Variants in SLC5A7 observed in about 807,000 individuals in gnomAD.
SLC5A7 encodes the protein high affinity choline transporter 1.
SLC5A7 carries 19 observed loss-of-function variants against 55.4 expected under a neutral mutation model. The ratio of observed to expected loss-of-function variants is 0.34; its 90% CI spans 0.24 to 0.50. The LOEUF (loss-of-function observed/expected upper bound fraction) is 0.50, where lower values mean the gene tolerates loss of function less well. SLC5A7 is among the 20% of genes least tolerant of loss of function. The pLI is 0.98. For missense variants in SLC5A7, 506 were observed against 705.3 expected, an observed-to-expected ratio of 0.72 and a Z score of 3.20; for synonymous variants, 265 against 263.7, an observed-to-expected ratio of 1.00 and a Z score of -0.05.
In SLC5A7 at chr2:108,013,305, A is replaced by G. The variant is rs1678411237; in HGVS notation, c.*2444A>G. The G allele has an allele frequency of 6.6e-6, 1 of 152,122 alleles. No individual in the cohort carries two copies. Among genetic ancestry groups the G allele is most frequent in the Non-Finnish European group, 1.5e-5 (1 of 68,004 alleles). The allele number at this position is 152,122 out of a possible 1,614,324, so 9.4% of individuals were successfully genotyped here. A position where few individuals can be genotyped will look rare whatever the true frequency, so the allele number is the denominator to read the frequency against. On this transcript the variant is annotated 3_prime_UTR_variant, in exon 9 of 9. Coordinates refer to ENST00000264047, the MANE Select transcript of SLC5A7 (RefSeq NM_021815.5). ...GTATTTAACCCATTATTCCTCACCTACCCTCAAAGTAGGTATACAAAAGAC... is the reference window on the plus strand; with the variant it reads ...GTATTTAACCCATTATTCCTCACCTGCCCTCAAAGTAGGTATACAAAAGAC...
chr2:108,003,429 A>G (rs976719178), intron 6 of SLC5A7, among the ~76,000 whole-genome samples: 1 of 152,218 alleles, frequency 6.6e-6, no homozygotes, highest in Non-Finnish European at 1.5e-5. Flanking sequence ...CTAAAAAATT[A>G]TATGACTTAG....
chr2:107,996,337 A>G (rs1677670343), intron 4 of SLC5A7, among the ~76,000 whole-genome samples: 1 of 152,178 alleles, frequency 6.6e-6, no homozygotes, highest in African/African-American at 2.4e-5. Flanking sequence ...ACTTCTTACT[A>G]GATTTTTCTT....
intron 5 of SLC5A7, among the ~76,000 whole-genome samples, chr2:108,000,384 A>G (rs1387264982): frequency 2.0e-5 from 3 of 152,100 alleles, no homozygotes; most frequent in African/African-American, 7.2e-5. Context: ...AGAAAACATA[A>G]AAGTGTGTGT....
chr2:107,995,474 T>A (rs62148705), intron 4 of SLC5A7, among the ~76,000 whole-genome samples: 347 of 77,908 alleles, frequency 4.5e-3, no homozygotes, highest in Middle Eastern at 8.3e-3. Flanking sequence ...AGAGAGAGTG[T>A]GTGTGTGTGT....
chr2:108,009,661 A>G (rs1678241860), intron 8 of SLC5A7, among the ~76,000 whole-genome samples: 2 of 152,196 alleles, frequency 1.3e-5, no homozygotes, highest in Admixed American at 1.3e-4. Flanking sequence ...TTATGGCCAC[A>G]TAGTATTCCA....
At chr2:107,999,182 C>T (rs571050756) in intron 5 of SLC5A7, among the ~76,000 whole-genome samples, 2 of 152,298 alleles carry the variant, frequency 1.3e-5, no homozygotes, top group South Asian at 4.1e-4. Flanking sequence ...CTCAAGGACT[C>T]CCACTATTTT....
chr2:107,997,978 G>A lies in SLC5A7; in HGVS notation c.589G>A (p.Val197Ile), dbSNP rs1677740286. 3 of 1,611,206 alleles carry A rather than the reference G, an allele frequency of 1.9e-6. No homozygotes were observed. The highest frequency in any genetic ancestry group is 1.1e-5 in the South Asian group (1 of 90,352). The change falls in exon 5 of 9, where the codon GTA becomes ATA. Residue 197 changes from valine to isoleucine, a missense_variant. Physicochemically the swap from Val to Ile is conservative, Grantham distance 29 (BLOSUM62 3). Transcript: ENST00000264047. ...TDVVQLFCIF[V>I]GLWISVPFAL... ...TGTCGTTCAGCTCTTTTGCATTTTT[G>A]TAGGGCTGGTAAGTGGGAGCACCCA... is the stretch of plus-strand genomic sequence containing the variant.
intron 5 of SLC5A7, among the ~76,000 whole-genome samples, chr2:108,000,614 C>T (rs973172715): frequency 5.9e-5 from 9 of 151,866 alleles, no homozygotes; most frequent in African/African-American, 1.5e-4. Flanking sequence ...TTTTCTTTTG[C>T]GACAGGATCT....
intron 4 of SLC5A7, among the ~76,000 whole-genome samples, chr2:107,993,845 A>G (rs1677550690): frequency 6.6e-6 from 1 of 152,252 alleles, no homozygotes; most frequent in African/African-American, 2.4e-5. Flanking sequence ...CTGACAGAAT[A>G]GGTAAGTAAT....
intron 1 of SLC5A7, 93 bp downstream of exon 1, chr2:107,986,856 G>C (rs1408728047): frequency 6.6e-6 from 1 of 152,238 alleles, no homozygotes; most frequent in Non-Finnish European, 1.5e-5. Flanking sequence ...GGGGAGGGAC[G>C]CGGCGTTTTT....
At chr2:108,009,835 A>G (rs887902969) in intron 8 of SLC5A7, among the ~76,000 whole-genome samples, 3 of 152,182 alleles carry the variant, frequency 2.0e-5, no homozygotes, top group Admixed American at 1.3e-4. Context: ...TAGCACTTCT[A>G]CAAAGAGATA....
Position 108,013,809 on chromosome 2 carries a change from G to A in SLC5A7, c.*2948G>A, listed in dbSNP as rs570813404. On this transcript the variant is annotated 3_prime_UTR_variant, in exon 9 of 9. Coordinates refer to ENST00000264047, the MANE Select transcript of SLC5A7 (RefSeq NM_021815.5). Reference sequence around the variant, plus strand: ...TATTCAAATCAGCAAGCTTGTAGCTGGACTGCAATATCAACAACAAGTTGT... The same window carrying A: ...TATTCAAATCAGCAAGCTTGTAGCTAGACTGCAATATCAACAACAAGTTGT... 1 of 152,112 alleles carries A rather than the reference G, an allele frequency of 6.6e-6. No homozygotes were observed. The highest frequency in any genetic ancestry group is 6.6e-5 in the Admixed American group (1 of 15,250). 9.4% of individuals were successfully genotyped at this position (152,112 alleles called of 1,614,324 possible).
intron 7 of SLC5A7, among the ~76,000 whole-genome samples, chr2:108,006,654 A>T (rs1678135522): frequency 6.6e-6 from 1 of 152,094 alleles, no homozygotes; most frequent in African/African-American, 2.4e-5. Flanking sequence ...TGCTGACATC[A>T]TCTGGGGAAT....
intron 7 of SLC5A7, 152 bp downstream of exon 7, chr2:108,006,354 TA>T: frequency 9.6e-5 from 45 of 470,874 alleles, no homozygotes; most frequent in African/African-American, 1.4e-4. Flanking sequence ...CAGTAAATCG[TA>T]TTATATAGTT....
chr2:108,008,662 C>G lies in SLC5A7; in HGVS notation c.1093C>G (p.Gln365Glu). ...TTCCATGTTTGCACGGAACATCTAC[C>G]AGCTTTCCTTCAGACAAAATGTAAG... ...ASSMFARNIY[Q>E]LSFRQNASDK... The change falls in exon 8 of 9, where the codon CAG becomes GAG. Residue 365 changes from glutamine (Q) to glutamate (E), a missense_variant. Physicochemically the swap from Gln to Glu is conservative, Grantham distance 29. Transcript: ENST00000264047. The G allele has an allele frequency of 6.2e-7, 1 of 1,612,778 alleles. No homozygotes were observed. The highest frequency in any genetic ancestry group is 8.5e-7 in the Non-Finnish European group (1 of 1,179,560).
intron 6 of SLC5A7, 91 bp from the exon 7 acceptor site, chr2:108,005,958 G>T: frequency 6.7e-7 from 1 of 1,485,402 alleles, no homozygotes; most frequent in Non-Finnish European, 9.1e-7. Context: ...CTTCTAAGTT[G>T]TACTTAGGCC....
intron 7 of SLC5A7, among the ~76,000 whole-genome samples, chr2:108,006,822 C>T (rs951636691): frequency 2.0e-5 from 3 of 152,162 alleles, no homozygotes; most frequent in African/African-American, 7.2e-5. Flanking sequence ...GTTTACCTGT[C>T]ATCCTCATGA....
At chr2:107,993,233 A>T (rs1176377470) in intron 4 of SLC5A7, 106 bp downstream of exon 4, 3 of 1,221,262 alleles carry the variant, frequency 2.5e-6, no homozygotes, top group Non-Finnish European at 3.4e-6. Context: ...TTTTATTAAA[A>T]CCATATGCTG....
At chr2:108,000,314 T>C (rs184478527) in intron 5 of SLC5A7, among the ~76,000 whole-genome samples, 188 of 152,322 alleles carry the variant, frequency 1.2e-3, no homozygotes, top group Non-Finnish European at 2.1e-3. Context: ...ACATATTTTC[T>C]TATTACTTTA....
Sources: allele counts gnomAD v4.1 joint callset (sites outside exome capture counted in the v4.1 genomes callset), GRCh38; gene constraint gnomAD v4.1.1; transcripts MANE v1.5; gene names NCBI Gene and HGNC (gene_info 2026-07-23, HGNC 2026-07-21).